FLRT2: variants seen among roughly 807,000 people sequenced by gnomAD.
The protein encoded by FLRT2 is leucine-rich repeat transmembrane protein FLRT2.
A neutral mutation model predicts 40.0 loss-of-function variants in FLRT2; 15 were observed. That is an observed-to-expected ratio of 0.38 (90% CI 0.25 to 0.58). FLRT2 has a LOEUF of 0.58. Among genes scored for constraint, FLRT2 ranks in the 20% least tolerant of loss-of-function variants. The pLI is 0.71. For missense variants in FLRT2, 726 were observed against 840.0 expected (o/e 0.86, Z 1.68); for synonymous variants, 380 against 336.8 (o/e 1.13, Z -1.41).
At chr14:85,586,706 A>G (rs1328635716) in intron 1 of FLRT2, among the ~76,000 whole-genome samples, 1 of 152,172 alleles carries the variant, frequency 6.6e-6, no homozygotes, top group South Asian at 2.1e-4. Flanking sequence ...ACACACACAC[A>G]CACACACATA....
At chr14:85,620,906 A>G (rs552891017) in intron 1 of FLRT2, among the ~76,000 whole-genome samples, 1 of 152,224 alleles carries the variant, frequency 6.6e-6, no homozygotes, top group Non-Finnish European at 1.5e-5. Context: ...TCACAATATG[A>G]TGGTTGATAG....
Position 85,643,299 on chromosome 14 carries a change from C to CTTTCTTTCTTTCTTTCTTTA in FLRT2, c.*19821_*19822insATTTCTTTCTTTCTTTCTTT, listed in dbSNP as rs1894199943. ...CAGAGGGTATTTCTTTTTTTTCTTT[C>CTTTCTTTCTTTCTTTCTTTA]TTTCTTTCTTTCTTTCTTTCTTTCT... On this transcript the variant is annotated 3_prime_UTR_variant, in exon 2 of 2. Transcript: ENST00000330753. 3.4e-5 allele frequency: 3 copies of CTTTCTTTCTTTCTTTCTTTA among 89,212 alleles called. No homozygotes were observed. The highest frequency in any genetic ancestry group is 1.8e-4 in the African/African-American group (3 of 17,138). The allele number at this position is 89,212 out of a possible 1,614,324, so 5.5% of individuals were successfully genotyped here.
chr14:85,533,640 G>T (rs1293314152), intron 1 of FLRT2, among the ~76,000 whole-genome samples: 2 of 152,140 alleles, frequency 1.3e-5, no homozygotes, highest in African/African-American at 2.4e-5. Flanking sequence ...AGAAGGCGGG[G>T]GTCGCGGCGG....
chr14:85,568,472 AT>A (rs928267156), intron 1 of FLRT2, among the ~76,000 whole-genome samples: 1 of 151,920 alleles, frequency 6.6e-6, no homozygotes, highest in Non-Finnish European at 1.5e-5. Flanking sequence ...AATGAATTTA[AT>A]TTTTTTTCTG....
chr14:85,534,542 T>A (rs1387389124), intron 1 of FLRT2, among the ~76,000 whole-genome samples: 1 of 152,178 alleles, frequency 6.6e-6, no homozygotes, highest in Non-Finnish European at 1.5e-5. Context: ...AGTTACATTT[T>A]CAGGGGTGAG....
chr14:85,580,120 C>T (rs1326995040), intron 1 of FLRT2, among the ~76,000 whole-genome samples: 2 of 151,776 alleles, frequency 1.3e-5, no homozygotes, highest in African/African-American at 4.8e-5. Context: ...GCTGAAATTC[C>T]TTTTGGACTC....
At chr14:85,547,231 C>T (rs1314289362) in intron 1 of FLRT2, among the ~76,000 whole-genome samples, 1 of 152,126 alleles carries the variant, frequency 6.6e-6, no homozygotes, top group Non-Finnish European at 1.5e-5. Flanking sequence ...TCCCTTCTGA[C>T]CTAAATTTAG....
chr14:85,612,962 T>A (rs1316071139), intron 1 of FLRT2, among the ~76,000 whole-genome samples: 1 of 152,170 alleles, frequency 6.6e-6, no homozygotes, highest in African/African-American at 2.4e-5. Flanking sequence ...ATTACATATG[T>A]GCAATATTAG....
At chr14:85,552,385 G>GA (rs1889686140) in intron 1 of FLRT2, among the ~76,000 whole-genome samples, 1 of 152,112 alleles carries the variant, frequency 6.6e-6, no homozygotes, top group Admixed American at 6.5e-5. Flanking sequence ...GTTGCCATGA[G>GA]GATTAAATAA....
intron 1 of FLRT2, among the ~76,000 whole-genome samples, chr14:85,535,447 T>G (rs757245612): frequency 1.4e-4 from 21 of 152,184 alleles, no homozygotes; most frequent in Non-Finnish European, 2.8e-4. Flanking sequence ...AATGTAAAAT[T>G]TTAGGTCCGT....
rs1325369948 is a variant in FLRT2 at position 85,630,453 on chromosome 14, A to G, written c.*6956A>G. 2 of 152,014 alleles carry G rather than the reference A, an allele frequency of 1.3e-5. No homozygotes were observed. The highest frequency in any genetic ancestry group is 1.5e-5 in the Non-Finnish European group (1 of 67,994). The allele number at this position is 152,014 out of a possible 1,614,324, so 9.4% of individuals were successfully genotyped here. ...GCTCAAAAAGTCTTCTAAACTCCCT[A>G]GTTGGGATAGGATGGGCCTTTGTTG... is the stretch of plus-strand genomic sequence containing the variant. On this transcript the variant is annotated 3_prime_UTR_variant, in exon 2 of 2. Transcript: ENST00000330753.
At chr14:85,546,459 A>G (rs1889286543) in intron 1 of FLRT2, among the ~76,000 whole-genome samples, 1 of 152,128 alleles carries the variant, frequency 6.6e-6, no homozygotes, top group Non-Finnish European at 1.5e-5. Flanking sequence ...TTAGGGAAGT[A>G]GGTACTACTT....
chr14:85,578,158 ATCTTTATATATAAAAATATCTT>A (rs1891210401), intron 1 of FLRT2, among the ~76,000 whole-genome samples: 1 of 143,258 alleles, frequency 7.0e-6, no homozygotes, highest in East Asian at 2.0e-4. Context: ...ATATAAAAAT[ATCTTTATATATAAAAATATCTT>A]TATATATATT....
chr14:85,589,046 C>T (rs555000630), intron 1 of FLRT2, among the ~76,000 whole-genome samples: 1 of 152,234 alleles, frequency 6.6e-6, no homozygotes, highest in Non-Finnish European at 1.5e-5. Flanking sequence ...CTATTGTGAA[C>T]AGTGCTGCAA....
chr14:85,539,968 G>T (rs750227580), intron 1 of FLRT2, among the ~76,000 whole-genome samples: 1 of 152,128 alleles, frequency 6.6e-6, no homozygotes, highest in Non-Finnish European at 1.5e-5. Context: ...GCGCTATTTT[G>T]ATGAAAGTAT....
At chr14:85,616,675 T>C (rs1395179186) in intron 1 of FLRT2, among the ~76,000 whole-genome samples, 5 of 152,194 alleles carry the variant, frequency 3.3e-5, no homozygotes, top group Admixed American at 3.3e-4. Flanking sequence ...TTTTTCCTGA[T>C]ACCTCATGGG....
Position 85,634,077 on chromosome 14 carries a change from C to T in FLRT2, c.*10580C>T, listed in dbSNP as rs1893946443. On this transcript the variant is annotated 3_prime_UTR_variant, in exon 2 of 2. Transcript: ENST00000330753. ...GTTGTTATTAACAGGCATGCATCCT[C>T]TTCAGCTGGATCACGTTGTTTTCTT... 1.3e-5 allele frequency: 2 copies of T among 152,170 alleles called. No individual in the cohort carries two copies. Among genetic ancestry groups the T allele is most frequent in the South Asian group, 4.1e-4 (2 of 4,830 alleles). 9.4% of individuals were successfully genotyped at this position (152,170 alleles called of 1,614,324 possible). A position where few individuals can be genotyped will look rare whatever the true frequency, so the allele number is the denominator to read the frequency against.
intron 1 of FLRT2, among the ~76,000 whole-genome samples, chr14:85,602,284 G>C (rs528854621): frequency 6.6e-6 from 1 of 152,068 alleles, no homozygotes; most frequent in Non-Finnish European, 1.5e-5. Context: ...TTCAAATTCA[G>C]TTTCTCAAAG....
rs2139393226 is a variant in FLRT2 at position 85,637,185 on chromosome 14, T to G, written c.*13688T>G. The G allele has an allele frequency of 1.3e-5, 2 of 152,220 alleles. No individual in the cohort carries two copies. Among genetic ancestry groups the G allele is most frequent in the South Asian group, 4.1e-4 (2 of 4,826 alleles). The allele number at this position is 152,220 out of a possible 1,614,324, so 9.4% of individuals were successfully genotyped here. On this transcript the variant is annotated 3_prime_UTR_variant, in exon 2 of 2. Coordinates refer to ENST00000330753, the MANE Select transcript of FLRT2 (RefSeq NM_013231.6). ...GTGTAATTTATAAACTATAAAAAATTTTCATCTAGACAAAGAAGTTATTAA... is the reference window on the plus strand; with the variant it reads ...GTGTAATTTATAAACTATAAAAAATGTTCATCTAGACAAAGAAGTTATTAA...
Sources: gnomAD v4.1 joint callset for allele counts (sites outside exome capture counted in the v4.1 genomes callset) on GRCh38, gnomAD v4.1.1 for gene constraint, MANE v1.5 for transcripts, NCBI Gene and HGNC (gene_info 2026-07-23, HGNC 2026-07-21) for gene names.